The following MBOAT1 variants were observed in gnomAD, a reference collection of about 807,000 sequenced individuals.
MBOAT1 encodes membrane bound glycerophospholipid O-acyltransferase 1, also known as membrane-bound glycerophospholipid O-acyltransferase 1.
Under a neutral mutation model 64.4 loss-of-function variants are expected in MBOAT1, and 67 were observed. The observed-to-expected ratio is 1.04, with a 90% CI of 0.85 to 1.27. The LOEUF (loss-of-function observed/expected upper bound fraction) is 1.27, where lower values mean the gene tolerates loss of function less well. Ranked by LOEUF, MBOAT1 falls within the 50% of genes most tolerant of loss-of-function variation. The pLI is 0.00. For missense variants in MBOAT1, 563 were observed against 604.6 expected (o/e 0.93, Z 0.72); for synonymous variants, 229 against 218.9 (o/e 1.05, Z -0.41).
chr6:20,139,546 C>CTTTTTTTT (rs70990010), intron 4 of MBOAT1, among the ~76,000 whole-genome samples: 1 of 69,186 alleles, frequency 1.4e-5, no homozygotes, highest in Non-Finnish European at 2.6e-5. Flanking sequence ...ACATTTTAAC[C>CTTTTTTTT]TTTTTTTTTT....
intron 5 of MBOAT1, among the ~76,000 whole-genome samples, chr6:20,129,605 T>C (rs759088594): frequency 2.7e-5 from 4 of 150,430 alleles, no homozygotes; most frequent in Non-Finnish European, 4.4e-5. Flanking sequence ...ATTTAAGGGA[T>C]GTTCCAGGAA....
chr6:20,152,872 G>A (rs1380936482), intron 1 of MBOAT1, 103 bp from the exon 2 acceptor site: 24 of 1,316,774 alleles, frequency 1.8e-5, no homozygotes, highest in South Asian at 1.0e-4. Flanking sequence ...TCGTTCTGTC[G>A]CCCAGGCTGG....
chr6:20,210,156 T>C (rs1472340298), intron 1 of MBOAT1, among the ~76,000 whole-genome samples: 1 of 152,214 alleles, frequency 6.6e-6, no homozygotes, highest in Non-Finnish European at 1.5e-5. Flanking sequence ...ATAAAATTTC[T>C]CAACCTCAAA....
rs1759802621 is a variant in MBOAT1, at chr6:20,101,943, G to A, written c.*343C>T. ...ATCCCGGCTAAAACGGTGAAACCCC[G>A]TCTCTACTAAAAATACAAAAAATTA... is the stretch of plus-strand genomic sequence containing the variant. On this transcript the variant is annotated 3_prime_UTR_variant, in exon 13 of 13. Transcript: ENST00000324607. Among the ~76,000 whole-genome samples, 3 of 150,994 alleles carry A rather than the reference G, an allele frequency of 2.0e-5. No homozygotes were observed. Among genetic ancestry groups the A allele is most frequent in the South Asian group, 4.2e-4 (2 of 4,748 alleles).
intron 1 of MBOAT1, among the ~76,000 whole-genome samples, chr6:20,157,609 G>A (rs1179588333): frequency 6.6e-6 from 1 of 151,958 alleles, no homozygotes; most frequent in Non-Finnish European, 1.5e-5. Flanking sequence ...AACTCATAAT[G>A]CTTATGACTG....
In MBOAT1 at chr6:20,110,035, A is replaced by T. The variant is rs1464521314; in HGVS notation, c.1210-286T>A. On this transcript the variant is annotated intron_variant, in intron 11 of 12. Transcript: ENST00000324607. ...AGTGATTCTCCTGCCTCAGCCTCCC[A>T]AGTAGCTGGGATTACAGGCACCTGC... Among the ~76,000 whole-genome samples, 3 of 147,168 alleles carry T rather than the reference A, an allele frequency of 2.0e-5. No homozygotes were observed. The South Asian group carries it at 6.5e-4, about 32-fold the overall frequency.
chr6:20,208,087 G>A lies in MBOAT1; in HGVS notation c.99+4049C>T, dbSNP rs183351318. The stretch of plus-strand genomic sequence containing the variant: ...ACAAGACTTAGATAAGAAGAGAACT[G>A]AAGGTTGGGCTTTGCAAGCATGGCC... On this transcript the variant is annotated intron_variant, in intron 1 of 12. Transcript: ENST00000324607. 7.6e-3 allele frequency among the ~76,000 whole-genome samples: 1,150 copies of A among 152,282 alleles called. 5 individuals carry two copies. Among genetic ancestry groups the A allele is most frequent in the Non-Finnish European group, 0.011 (720 of 68,022 alleles).
intron 1 of MBOAT1, among the ~76,000 whole-genome samples, chr6:20,180,004 T>G (rs1202209): frequency 0.57 from 86,969 of 151,842 alleles, 25,135 homozygotes; most frequent in East Asian, 0.7. Flanking sequence ...AAAGTTCAGC[T>G]CACCAGAACA....
chr6:20,201,743 G>A (rs1763128983), intron 1 of MBOAT1, among the ~76,000 whole-genome samples: 1 of 151,820 alleles, frequency 6.6e-6, no homozygotes, highest in Non-Finnish European at 1.5e-5. Flanking sequence ...ACCACACCCG[G>A]CTAATTTTTG....
chr6:20,166,586 T>G (rs931186305), intron 1 of MBOAT1, among the ~76,000 whole-genome samples: 4 of 151,882 alleles, frequency 2.6e-5, no homozygotes, highest in African/African-American at 9.7e-5. Flanking sequence ...CTGCCTGGAG[T>G]GGTCTTGGAG....
chr6:20,145,379 C>T (rs947826416), intron 3 of MBOAT1, among the ~76,000 whole-genome samples: 6 of 152,192 alleles, frequency 3.9e-5, no homozygotes, highest in Non-Finnish European at 8.8e-5. Context: ...ATAAGCCACC[C>T]ACTCTACATA....
chr6:20,203,074 C>G (rs1581468456), intron 1 of MBOAT1, among the ~76,000 whole-genome samples: 1 of 152,152 alleles, frequency 6.6e-6, no homozygotes, highest in African/African-American at 2.4e-5. Flanking sequence ...GAGGCCAAGG[C>G]AGGAGGATCA....
chr6:20,207,638 C>T (rs533223704), intron 1 of MBOAT1, among the ~76,000 whole-genome samples: 4 of 152,300 alleles, frequency 2.6e-5, no homozygotes, highest in African/African-American at 4.8e-5. Context: ...TGTCAGGATC[C>T]ATAAATAAAG....
intron 1 of MBOAT1, among the ~76,000 whole-genome samples, chr6:20,192,992 T>TTTA (rs2113758402): frequency 8.0e-6 from 1 of 124,864 alleles, no homozygotes; most frequent in African/African-American, 2.9e-5. Flanking sequence ...TATGCTATAA[T>TTTA]TTCTTTTTTT....
intron 7 of MBOAT1, chr6:20,125,900 ATG>A: frequency 4.5e-6 from 2 of 440,980 alleles, no homozygotes; most frequent in South Asian, 3.3e-5. Flanking sequence ...TTAATTACAA[ATG>A]TCCCTTAAAT....
At chr6:20,163,250 C>T (rs900304399) in intron 1 of MBOAT1, among the ~76,000 whole-genome samples, 1 of 152,070 alleles carries the variant, frequency 6.6e-6, no homozygotes, top group Non-Finnish European at 1.5e-5. Context: ...AACTCAGGAC[C>T]ATTTAGGACT....
chr6:20,194,583 A>T (rs941244276), intron 1 of MBOAT1, among the ~76,000 whole-genome samples: 6 of 152,176 alleles, frequency 3.9e-5, no homozygotes, highest in African/African-American at 1.4e-4. Flanking sequence ...TCACCACATC[A>T]TATTAAGGGT....
At chr6:20,128,159 C>T (rs1300848796) in intron 6 of MBOAT1, among the ~76,000 whole-genome samples, 1 of 151,866 alleles carries the variant, frequency 6.6e-6, no homozygotes, top group East Asian at 1.9e-4. Context: ...AAAGTTATTC[C>T]CCTCCCACTT....
chr6:20,138,110 T>G (rs1463737416), intron 4 of MBOAT1, among the ~76,000 whole-genome samples: 3 of 152,178 alleles, frequency 2.0e-5, no homozygotes, highest in African/African-American at 4.8e-5. Context: ...TCCATGGATG[T>G]TAACTGACAT....
Sources: gnomAD v4.1 joint callset for allele counts (sites outside exome capture counted in the v4.1 genomes callset) on GRCh38, gnomAD v4.1.1 for gene constraint, MANE v1.5 for transcripts, NCBI Gene and HGNC (gene_info 2026-07-23, HGNC 2026-07-21) for gene names.